Variants in OSBPL9 observed in about 807,000 individuals in gnomAD.
OSBPL9 encodes oxysterol binding protein like 9.
In OSBPL9, 40 loss-of-function variants were observed where a neutral mutation model predicts 106.6. The ratio of observed to expected loss-of-function variants is 0.38; its 90% confidence interval spans 0.29 to 0.49. The LOEUF (loss-of-function observed/expected upper bound fraction) is 0.49. Ranked by LOEUF, OSBPL9 falls within the 20% of genes least tolerant of loss-of-function variation. OSBPL9 has a pLI of 0.97. For synonymous variants in OSBPL9, 269 were observed against 295.4 expected, an observed-to-expected ratio of 0.91 and a Z score of 0.92; for missense variants, 609 against 887.2, an observed-to-expected ratio of 0.69 and a Z score of 3.98.
chr1:51,740,065 A>G (rs1460404474), intron 4 of OSBPL9: 9 of 1,527,936 alleles, frequency 5.9e-6, no homozygotes, highest in East Asian at 5.0e-5. Context: ...TTCTCTTACT[A>G]TTCCTTTACT....
At chr1:51,530,349 C>G in the OSBPL9 span, among the ~76,000 whole-genome samples, 6 of 151,714 alleles carry the variant, frequency 4.0e-5, no homozygotes, top group Non-Finnish European at 7.4e-5. Context: ...GGACACCATC[C>G]AGAAAGTGAA....
chr1:51,717,675 CTT>C lies in OSBPL9; in HGVS notation c.318+3610_318+3611del, dbSNP rs553384136. The stretch of plus-strand genomic sequence containing the variant: ...TATCATTTCACCCCAGTTAAAATGG[CTT>C]TTTTTTTTTTTTTCCAAAAGACAGG... On this transcript the variant is annotated intron_variant, in intron 4 of 23. Coordinates refer to ENST00000428468, the MANE Select transcript of OSBPL9 (RefSeq NM_024586.6). 7.7e-3 allele frequency among the ~76,000 whole-genome samples: 1,072 copies of C among 138,954 alleles called. 9 individuals carry two copies. The highest frequency in any genetic ancestry group is 0.027 in the African/African-American group (1,026 of 38,084). 91.2% of individuals were successfully genotyped at this position (138,954 alleles called of 152,430 possible).
chr1:51,608,667 A>G (rs116792032), intron 2 of OSBPL9, among the ~76,000 whole-genome samples: 1,937 of 134,412 alleles, frequency 0.014, 44 homozygotes, highest in African/African-American at 0.05. Flanking sequence ...GTCACCTGAC[A>G]TTCCTGGATT....
intron 4 of OSBPL9, among the ~76,000 whole-genome samples, chr1:51,722,162 A>AATAAATAGATAGATAG (rs10633295): frequency 1.4e-5 from 2 of 146,958 alleles, no homozygotes; most frequent in African/African-American, 2.5e-5. Context: ...CTCTAAAATA[A>AATAAATAGATAGATAG]ATAGATAGAT....
At chr1:51,700,914 T>C (rs1657085799) in intron 3 of OSBPL9, among the ~76,000 whole-genome samples, 1 of 152,162 alleles carries the variant, frequency 6.6e-6, no homozygotes, top group African/African-American at 2.4e-5. Flanking sequence ...TTTTTAACTT[T>C]TGTCAGTCCT....
At chr1:51,591,523 C>T (rs1645275358) in intron 1 of OSBPL9, among the ~76,000 whole-genome samples, 2 of 152,204 alleles carry the variant, frequency 1.3e-5, no homozygotes, top group African/African-American at 2.4e-5. Flanking sequence ...ATATTGGTAT[C>T]TTGCCGGGCA....
At chr1:51,732,874 CTG>C (rs1423969689) in intron 4 of OSBPL9, among the ~76,000 whole-genome samples, 1 of 152,248 alleles carries the variant, frequency 6.6e-6, no homozygotes. Context: ...TGATTTATCT[CTG>C]AGTCCAGACT....
chr1:51,757,886 T>C (rs1670674833), intron 9 of OSBPL9, among the ~76,000 whole-genome samples: 1 of 152,170 alleles, frequency 6.6e-6, no homozygotes, highest in Non-Finnish European at 1.5e-5. Context: ...AACAAGCGCA[T>C]AGTATTCAAT....
At chr1:51,654,036 C>A (rs893951255) in intron 2 of OSBPL9, among the ~76,000 whole-genome samples, 1 of 151,874 alleles carries the variant, frequency 6.6e-6, no homozygotes, top group African/African-American at 2.4e-5. Context: ...AAAAAGGAAT[C>A]CAGACCCTTT....
At chr1:51,641,695 C>T (rs1005763998) in intron 1 of OSBPL9, among the ~76,000 whole-genome samples, 2 of 152,100 alleles carry the variant, frequency 1.3e-5, no homozygotes, top group African/African-American at 4.8e-5. Context: ...CTAGCAGGGC[C>T]TTACAAATGT....
chr1:51,563,133 C>T, the OSBPL9 span, among the ~76,000 whole-genome samples: 1 of 152,032 alleles, frequency 6.6e-6, no homozygotes, highest in Non-Finnish European at 1.5e-5. Flanking sequence ...TCTCTTGAGC[C>T]CAGGAGGTGG....
chr1:51,693,499 A>G (rs1189937082), intron 3 of OSBPL9, among the ~76,000 whole-genome samples: 1 of 152,188 alleles, frequency 6.6e-6, no homozygotes, highest in Non-Finnish European at 1.5e-5. Flanking sequence ...TTAGAGCATT[A>G]TAGTGTTGTA....
chr1:51,748,461 A>G (rs1353651835), intron 7 of OSBPL9, 63 bp downstream of exon 7: 2 of 1,398,680 alleles, frequency 1.4e-6, no homozygotes, highest in Non-Finnish European at 1.9e-6. Context: ...AGTTATTTCT[A>G]TTTTAAGCTG....
chr1:51,707,164 G>A (rs1658730820), intron 3 of OSBPL9: 5 of 396,478 alleles, frequency 1.3e-5, no homozygotes, highest in Non-Finnish European at 1.5e-5. Context: ...TGGACCATGA[G>A]GTCCACCACC....
intron 11 of OSBPL9, chr1:51,765,428 A>G (rs1388735244): frequency 6.5e-6 from 1 of 154,490 alleles, no homozygotes; most frequent in Non-Finnish European, 1.4e-5. Context: ...TTGCATTCCC[A>G]GTGGCTCACT....
chr1:51,584,917 G>A (rs1645239403), intron 1 of OSBPL9, among the ~76,000 whole-genome samples: 2 of 152,078 alleles, frequency 1.3e-5, no homozygotes, highest in Non-Finnish European at 2.9e-5. Flanking sequence ...ATGGGGAAAA[G>A]GTGGGCATTT....
intron 8 of OSBPL9, among the ~76,000 whole-genome samples, chr1:51,754,459 T>C (rs1669919050): frequency 1.3e-5 from 2 of 152,184 alleles, no homozygotes. Context: ...TTAACATTTT[T>C]CAAGGTAGAC....
intron 3 of OSBPL9, among the ~76,000 whole-genome samples, chr1:51,692,508 A>G (rs1557696385): frequency 6.6e-6 from 1 of 152,126 alleles, no homozygotes; most frequent in Non-Finnish European, 1.5e-5. Flanking sequence ...AAGTTAGGAC[A>G]GCATCAGGGT....
chr1:51,608,453 C>G (rs2148605441), intron 2 of OSBPL9, among the ~76,000 whole-genome samples: 1 of 144,968 alleles, frequency 6.9e-6, no homozygotes, highest in East Asian at 2.0e-4. Context: ...CCACCATGCC[C>G]AGCTAATTTT....
Sources: gnomAD v4.1 joint callset for allele counts (sites outside exome capture counted in the v4.1 genomes callset) on GRCh38, gnomAD v4.1.1 for gene constraint, MANE v1.5 for transcripts, NCBI Gene and HGNC (gene_info 2026-07-23, HGNC 2026-07-21) for gene names.